The following OR10A2 variants were observed in gnomAD, a reference collection of about 807,000 sequenced individuals.
The protein encoded by OR10A2 is olfactory receptor family 10 subfamily A member 2.
A neutral mutation model predicts 13.7 loss-of-function variants in OR10A2; 15 were observed. That is an observed-to-expected ratio of 1.10 (90% CI 0.73 to 1.69). The LOEUF is 1.69. Among genes scored for constraint, OR10A2 ranks in the 40% most tolerant of loss-of-function variants. The pLI, the probability that OR10A2 is intolerant of heterozygous loss-of-function variation, is 0.00. For synonymous variants in OR10A2, 145 were observed against 144.7 expected (o/e 1.00, Z -0.02); for missense variants, 343 against 361.1 (o/e 0.95, Z 0.41).
chr11:6,869,815 A>G lies in OR10A2; in HGVS notation c.61A>G (p.Ile21Val), dbSNP rs1317361399. The stretch of plus-strand genomic sequence containing the variant: ...ATTACTCTTTCTGACATTTCTAACC[A>G]TCTACCTGGTCACCCTGATGGGAAA... ...QSLLFLTFLT[I>V]YLVTLMGNCL... is the part of the protein sequence containing the mutation. Residue 21 changes from isoleucine (I) to valine (V), a missense_variant, in exon 2 of 2, where the codon ATC becomes GTC. Ile to Val is a conservative substitution (Grantham distance 29). Coordinates refer to ENST00000641461, the MANE Select transcript of OR10A2 (RefSeq NM_001004460.2). 5 of 1,613,940 alleles carry G rather than the reference A, an allele frequency of 3.1e-6. No homozygotes were observed. Among genetic ancestry groups the G allele is most frequent in the Non-Finnish European group, 4.2e-6 (5 of 1,180,004 alleles).
At chr11:6,864,349 G>A (rs2133067169) in intron 1 of OR10A2, among the ~76,000 whole-genome samples, 1 of 151,808 alleles carries the variant, frequency 6.6e-6, no homozygotes, top group Non-Finnish European at 1.5e-5. Context: ...TTCTAATAGT[G>A]AATAAAAACT....
chr11:6,870,935 G>C lies in OR10A2; in HGVS notation c.*269G>C. Reference sequence around the variant, plus strand: ...GCACTTCTGTGGCCAACTATTTCCAGGTGTTATATTTCTTTTTTTTTTTTT... The same window carrying C: ...GCACTTCTGTGGCCAACTATTTCCACGTGTTATATTTCTTTTTTTTTTTTT... On this transcript the variant is annotated 3_prime_UTR_variant, in exon 2 of 2. Transcript: ENST00000641461. The C allele has an allele frequency of 3.6e-6, 1 of 274,722 alleles. No individual in the cohort carries two copies. The allele number at this position is 274,722 out of a possible 1,614,324, so 17.0% of individuals were successfully genotyped here.
rs370477414 is a variant in OR10A2 at position 6,870,308 on chromosome 11, A to C, written c.554A>C (p.Tyr185Ser). ...GCAGACACAGCACTCTTTGAGATCT[A>C]CGCCATCGTCGGAACCATTCTGGTG... ...VCADTALFEI[Y>S]AIVGTILVVM... Residue 185 changes from tyrosine (Y) to serine (S), a missense_variant, in exon 2 of 2, where the codon TAC (tyrosine) becomes TCC (serine). By Grantham distance (144) the Tyr-to-Ser change is moderately radical. Coordinates refer to ENST00000641461, the MANE Select transcript of OR10A2 (RefSeq NM_001004460.2). The C allele has an allele frequency of 1.2e-6, 2 of 1,614,132 alleles. No homozygotes were observed. Among genetic ancestry groups the C allele is most frequent in the Non-Finnish European group, 1.7e-6 (2 of 1,180,022 alleles).
intron 1 of OR10A2, among the ~76,000 whole-genome samples, chr11:6,869,165 A>T (rs1848403117): frequency 6.6e-6 from 1 of 152,214 alleles, no homozygotes; most frequent in South Asian, 2.1e-4. Context: ...AAAAGAACAA[A>T]AACATGCATA....
intron 1 of OR10A2, among the ~76,000 whole-genome samples, chr11:6,868,357 C>T (rs1848396412): frequency 2.0e-5 from 3 of 152,000 alleles, no homozygotes; most frequent in South Asian, 4.1e-4. Context: ...ATGGATTGTG[C>T]GTAAAGACGG....
At position 6,871,363 on chromosome 11, in the gene OR10A2, T is replaced by C. The variant is rs927937567; in HGVS notation, c.*697T>C. On this transcript the variant is annotated 3_prime_UTR_variant, in exon 2 of 2. Coordinates refer to ENST00000641461, the MANE Select transcript of OR10A2 (RefSeq NM_001004460.2). ...ACCCAATAAAAATCATCTTGTCACT[T>C]TTCCTCTTCTGGGCAGATCTGACTC... 2 of 152,052 alleles carry C rather than the reference T, an allele frequency of 1.3e-5. No individual in the cohort carries two copies. Among genetic ancestry groups the C allele is most frequent in the Non-Finnish European group, 1.5e-5 (1 of 68,022 alleles). The allele number at this position is 152,052 out of a possible 1,614,324, so 9.4% of individuals were successfully genotyped here.
chr11:6,863,530 T>C (rs1342882611), intron 1 of OR10A2, among the ~76,000 whole-genome samples, 179 bp downstream of exon 1: 2 of 152,030 alleles, frequency 1.3e-5, no homozygotes. Flanking sequence ...GGCATCAGTT[T>C]ACTCTATGTC....
rs1006073500 is a variant in OR10A2, at chr11:6,872,229, T to G, written c.*1563T>G. On this transcript the variant is annotated 3_prime_UTR_variant, in exon 2 of 2. Transcript: ENST00000641461. ...AGCAATTGGTGATGTCTTGGTGTTTTATTTTCTCTTCTTGAAAGGTTGTTT... is the reference window on the plus strand; with the variant it reads ...AGCAATTGGTGATGTCTTGGTGTTTGATTTTCTCTTCTTGAAAGGTTGTTT... 6.6e-6 allele frequency: 1 copy of G among 152,226 alleles called. No homozygotes were observed. The highest frequency in any genetic ancestry group is 1.5e-5 in the Non-Finnish European group (1 of 68,040). 9.4% of individuals were successfully genotyped at this position (152,226 alleles called of 1,614,324 possible).
In OR10A2 at chr11:6,870,065, C is replaced by A; in HGVS notation, c.311C>A (p.Thr104Asn). ...GTGGCTGAATGCTTCCTCCTGGCTA[C>A]CATGGCATATGACCGCTATGTGGCC... ...FGVAECFLLA[T>N]MAYDRYVAIC... is the part of the protein sequence containing the mutation. The change falls in exon 2 of 2, where the codon ACC (threonine) becomes AAC (asparagine). Residue 104 changes from threonine to asparagine, a missense_variant. Transcript: ENST00000641461. The A allele has an allele frequency of 6.2e-7, 1 of 1,614,200 alleles. No individual in the cohort carries two copies. The highest frequency in any genetic ancestry group is 8.5e-7 in the Non-Finnish European group (1 of 1,180,024).
chr11:6,870,930 T>C lies in OR10A2; in HGVS notation c.*264T>C, dbSNP rs1848427696. On this transcript the variant is annotated 3_prime_UTR_variant, in exon 2 of 2. Transcript: ENST00000641461. ...TGACAGCACTTCTGTGGCCAACTAT[T>C]TCCAGGTGTTATATTTCTTTTTTTT... The C allele has an allele frequency of 3.2e-6, 1 of 315,650 alleles. No individual in the cohort carries two copies. The highest frequency in any genetic ancestry group is 4.6e-5 in the Admixed American group (1 of 21,966). The allele number at this position is 315,650 out of a possible 1,614,324, so 19.6% of individuals were successfully genotyped here.
At chr11:6,864,912 T>G (rs902085305) in intron 1 of OR10A2, among the ~76,000 whole-genome samples, 4 of 147,816 alleles carry the variant, frequency 2.7e-5, no homozygotes, top group African/African-American at 9.8e-5. Flanking sequence ...AATTACAAAA[T>G]TTCTTATATA....
In OR10A2 at chr11:6,863,120, A is replaced by C. The variant is rs1848352790; in HGVS notation, c.-364A>C. ...CTCTCCCAAAACCAGGACTGGGAGC[A>C]TGGCCAAACTTCATAGTGAGCTTAC... is the stretch of plus-strand genomic sequence containing the variant. On this transcript the variant is annotated 5_prime_UTR_variant, in exon 1 of 2. An upstream start codon of the reference 5' UTR is lost. Coordinates refer to ENST00000641461, the MANE Select transcript of OR10A2 (RefSeq NM_001004460.2). The C allele has an allele frequency of 6.6e-6, 1 of 152,276 alleles. No individual in the cohort carries two copies. The highest frequency in any genetic ancestry group is 2.4e-5 in the African/African-American group (1 of 41,468). The allele number at this position is 152,276 out of a possible 1,614,324, so 9.4% of individuals were successfully genotyped here.
At chr11:6,868,591 A>C (rs575235756) in intron 1 of OR10A2, among the ~76,000 whole-genome samples, 2 of 152,218 alleles carry the variant, frequency 1.3e-5, no homozygotes, top group South Asian at 4.2e-4. Context: ...TATATCCAAA[A>C]CACTGACCAT....
chr11:6,872,079 T>C lies in OR10A2; in HGVS notation c.*1413T>C, dbSNP rs1421120729. The C allele has an allele frequency of 6.6e-6, 1 of 152,202 alleles. No individual in the cohort carries two copies. Among genetic ancestry groups the C allele is most frequent in the African/African-American group, 2.4e-5 (1 of 41,454 alleles). The allele number at this position is 152,202 out of a possible 1,614,324, so 9.4% of individuals were successfully genotyped here. A position where few individuals can be genotyped will look rare whatever the true frequency, so the allele number is the denominator to read the frequency against. ...TTTAGAATTTCGATTATTTAATATT[T>C]TATAAAAACTCAATGAAATTTTAAT... On this transcript the variant is annotated 3_prime_UTR_variant, in exon 2 of 2. Coordinates refer to ENST00000641461, the MANE Select transcript of OR10A2 (RefSeq NM_001004460.2).
chr11:6,870,504 A>G lies in OR10A2; in HGVS notation c.750A>G (p.Lys250=), dbSNP rs1590018960. Residue 250 remains lysine (K), a synonymous_variant, in exon 2 of 2, where the codon AAA becomes AAG. Transcript: ENST00000641461. ...ISLSLTYFRP[K]SNNSPEGKKL... is the part of the protein sequence containing the mutation. ...TAAGCCTCACCTACTTCCGGCCTAA[A>G]TCAAATAATTCACCTGAGGGCAAGA... is the stretch of plus-strand genomic sequence containing the variant. The G allele has an allele frequency of 6.2e-7, 1 of 1,614,134 alleles. No homozygotes were observed. Among genetic ancestry groups the G allele is most frequent in the East Asian group, 2.2e-5 (1 of 44,882 alleles).
chr11:6,864,436 A>G (rs1327960564), intron 1 of OR10A2, among the ~76,000 whole-genome samples: 2 of 151,160 alleles, frequency 1.3e-5, no homozygotes, highest in Non-Finnish European at 3.0e-5. Context: ...TGAATAGCTT[A>G]CTTGGTAAAA....
At chr11:6,866,523 T>C (rs566460175) in intron 1 of OR10A2, among the ~76,000 whole-genome samples, 1 of 152,326 alleles carries the variant, frequency 6.6e-6, no homozygotes, top group East Asian at 1.9e-4. Context: ...TCATGAGCAA[T>C]GTATGAATGA....
chr11:6,866,582 T>A (rs1359401237), intron 1 of OR10A2, among the ~76,000 whole-genome samples: 11 of 152,168 alleles, frequency 7.2e-5, no homozygotes, highest in Admixed American at 3.3e-4. Context: ...ACTTTTTTTT[T>A]AACCCATTCT....
At position 6,871,089 on chromosome 11, in the gene OR10A2, G is replaced by A. The variant is rs2741763; in HGVS notation, c.*423G>A. 83,900 of 153,168 alleles carry A rather than the reference G, an allele frequency of 0.55. 24,203 individuals are homozygous for A. The highest frequency in any genetic ancestry group is 0.71 in the East Asian group (3,673 of 5,180). 9.5% of individuals were successfully genotyped at this position (153,168 alleles called of 1,614,324 possible). A position where few individuals can be genotyped will look rare whatever the true frequency, so the allele number is the denominator to read the frequency against. On this transcript the variant is annotated 3_prime_UTR_variant, in exon 2 of 2. Coordinates refer to ENST00000641461, the MANE Select transcript of OR10A2 (RefSeq NM_001004460.2). ...GCCTCCCAAGTAGCTGGGACTACAG[G>A]TGCCCGCCACCATGCCCGGCTAATT...
Sources: allele counts gnomAD v4.1 joint callset (sites outside exome capture counted in the v4.1 genomes callset), GRCh38; gene constraint gnomAD v4.1.1; transcripts MANE v1.5; gene names NCBI Gene and HGNC (gene_info 2026-07-23, HGNC 2026-07-21).